TRIP13: variants seen among roughly 807,000 people sequenced by gnomAD.
TRIP13 encodes pachytene checkpoint protein 2 homolog.
In TRIP13, 25 loss-of-function variants were observed where a neutral mutation model predicts 54.4. That is an observed-to-expected ratio of 0.46 (90% confidence interval 0.33 to 0.64). The LOEUF is 0.64. Ranked by LOEUF, TRIP13 falls within the 30% of genes least tolerant of loss-of-function variation. TRIP13 has a pLI of 0.02. For synonymous variants in TRIP13, 207 were observed against 207.8 expected (o/e 1.00, Z 0.03); for missense variants, 373 against 534.2 (o/e 0.70, Z 2.97).
chr5:903,205 C>T (rs1754033558), intron 5 of TRIP13, among the ~76,000 whole-genome samples: 1 of 152,188 alleles, frequency 6.6e-6, no homozygotes, highest in African/African-American at 2.4e-5. Context: ...CTGACGCTAC[C>T]ATTAGACCAC....
chr5:914,720 CGTGTGT>C (rs60208703), intron 11 of TRIP13, 143 bp downstream of exon 11: 38 of 596,926 alleles, frequency 6.4e-5, no homozygotes, highest in Admixed American at 1.1e-4. Context: ...CATGTACACA[CGTGTGT>C]GTGTGTGTGT....
chr5:905,635 C>T (rs1754099861), intron 6 of TRIP13, among the ~76,000 whole-genome samples: 2 of 152,192 alleles, frequency 1.3e-5, no homozygotes, highest in South Asian at 2.1e-4. Flanking sequence ...TCAGGAGTCC[C>T]AGCCCTCACT....
intron 5 of TRIP13, 47 bp from the exon 6 acceptor site, chr5:904,101 G>T (rs532362341): frequency 6.4e-7 from 1 of 1,550,890 alleles, no homozygotes; most frequent in Non-Finnish European, 8.8e-7. Context: ...TAAGAAATTT[G>T]TTGTAGCACT....
chr5:895,582 C>G (rs1753896728), intron 2 of TRIP13, among the ~76,000 whole-genome samples: 1 of 152,188 alleles, frequency 6.6e-6, no homozygotes, highest in South Asian at 2.1e-4. Context: ...GTGGACCTCC[C>G]CATTCATACG....
At chr5:900,660 C>G in intron 4 of TRIP13, 111 bp downstream of exon 4, 1 of 1,132,076 alleles carries the variant, frequency 8.8e-7, no homozygotes, top group Non-Finnish European at 1.3e-6. Context: ...TTTGGGAGCC[C>G]CTGTCTGCTG....
At chr5:916,046 T>A in intron 12 of TRIP13, 73 bp downstream of exon 12, 1 of 1,456,026 alleles carries the variant, frequency 6.9e-7, no homozygotes, top group Non-Finnish European at 9.6e-7. Context: ...TTCCGCTTAG[T>A]AGCCCTGGGG....
chr5:892,920 A>G lies in TRIP13; in HGVS notation c.-79A>G. The G allele has an allele frequency of 7.5e-7, 1 of 1,326,032 alleles. No individual in the cohort carries two copies. The highest frequency in any genetic ancestry group is 3.0e-5 in the East Asian group (1 of 33,446). The allele number at this position is 1,326,032 out of a possible 1,614,324, so 82.1% of individuals were successfully genotyped here. ...TAGGGCGGGGCCCGCGGGCTGAGGC[A>G]GCGGCTGTGGCGGCGACGCTGGGCG... On this transcript the variant is annotated 5_prime_UTR_variant, in exon 1 of 13. Coordinates refer to ENST00000166345, the MANE Select transcript of TRIP13 (RefSeq NM_004237.4).
chr5:901,222 G>A (rs1215037601), intron 4 of TRIP13, 119 bp from the exon 5 acceptor site: 20 of 755,892 alleles, frequency 2.6e-5, no homozygotes, highest in Admixed American at 1.2e-4. Context: ...CTTAGGAGGC[G>A]GCCTCGCTCC....
intron 2 of TRIP13, 26 bp downstream of exon 2, chr5:894,978 G>T: frequency 6.3e-7 from 1 of 1,574,868 alleles, no homozygotes; most frequent in Non-Finnish European, 8.6e-7. Flanking sequence ...GCTGGGCCAA[G>T]GAACAGTTAG....
intron 1 of TRIP13, 95 bp downstream of exon 1, chr5:893,185 G>A: frequency 8.4e-7 from 1 of 1,192,020 alleles, no homozygotes; most frequent in East Asian, 3.2e-5. Context: ...TGATTCTGAT[G>A]CGACCGAACC....
At chr5:894,247 G>C (rs1753829087) in intron 1 of TRIP13, among the ~76,000 whole-genome samples, 1 of 152,156 alleles carries the variant, frequency 6.6e-6, no homozygotes, top group Admixed American at 6.5e-5. Flanking sequence ...TGCATAGCAG[G>C]GCACAGAGGT....
At chr5:903,252 C>G (rs1396195902) in intron 5 of TRIP13, among the ~76,000 whole-genome samples, 1 of 152,088 alleles carries the variant, frequency 6.6e-6, no homozygotes, top group African/African-American at 2.4e-5. Context: ...CAGACGCTGG[C>G]ATTACTGCTA....
chr5:919,041 A>G (rs2150694441), downstream of TRIP13: 1 of 152,384 alleles, frequency 6.6e-6, no homozygotes, highest in East Asian at 1.9e-4. Flanking sequence ...TCTAGAAGAC[A>G]AAAGGTACAA....
chr5:907,801 G>A lies in TRIP13; in HGVS notation c.673-187G>A, dbSNP rs1261196866. 6.6e-6 allele frequency among the ~76,000 whole-genome samples: 1 copy of A among 152,244 alleles called. No individual in the cohort carries two copies. Among genetic ancestry groups the A allele is most frequent in the Non-Finnish European group, 1.5e-5 (1 of 68,052 alleles). ...GCACCCTGGCATTCAAAGCAGAGGGGAAGAGTGTTAGGCTGACCTCCTCCC... is the reference window on the plus strand; with the variant it reads ...GCACCCTGGCATTCAAAGCAGAGGGAAAGAGTGTTAGGCTGACCTCCTCCC... On this transcript the variant is annotated intron_variant, in intron 7 of 12. Coordinates refer to ENST00000166345, the MANE Select transcript of TRIP13 (RefSeq NM_004237.4). This position sits in a 1 kb window ranked among gnomAD's most constrained non-coding sequence, Gnocchi z 4.1.
In TRIP13 at chr5:911,729, C is replaced by T. The variant is rs1754236623; in HGVS notation, c.867-114C>T. On this transcript the variant is annotated intron_variant, in intron 9 of 12. Coordinates refer to ENST00000166345, the MANE Select transcript of TRIP13 (RefSeq NM_004237.4). This position sits in a 1 kb window ranked among gnomAD's most constrained non-coding sequence, Gnocchi z 4.7. ...TGTTGGCACAAGGCCACTTTCCTTCCTGTTGGCAGCCTGCTGGCCATCGTC... is the reference window on the plus strand; with the variant it reads ...TGTTGGCACAAGGCCACTTTCCTTCTTGTTGGCAGCCTGCTGGCCATCGTC... The T allele has an allele frequency of 1.5e-6, 2 of 1,376,252 alleles. No individual in the cohort carries two copies. The highest frequency in any genetic ancestry group is 1.9e-6 in the Non-Finnish European group (2 of 1,031,814). 85.3% of individuals were successfully genotyped at this position (1,376,252 alleles called of 1,614,324 possible).
At chr5:904,009 G>A (rs1305156962) in intron 5 of TRIP13, 139 bp from the exon 6 acceptor site, 3 of 688,618 alleles carry the variant, frequency 4.4e-6, no homozygotes, top group Non-Finnish European at 6.9e-6. Context: ...AAGTTTCTAA[G>A]CAGACTTCAT....
At chr5:902,910 C>T (rs111491533) in intron 5 of TRIP13, among the ~76,000 whole-genome samples, 4,235 of 152,298 alleles carry the variant, frequency 0.028, 188 homozygotes, top group African/African-American at 0.093. Context: ...AGACGGCTTA[C>T]ACCATTATTT....
chr5:904,726 A>G (rs147019679), intron 6 of TRIP13, among the ~76,000 whole-genome samples: 100 of 151,164 alleles, frequency 6.6e-4, no homozygotes, highest in African/African-American at 2.3e-3. Context: ...GAAAGTTTCT[A>G]TTGCCGTATT....
At chr5:914,064 G>GAAGTCCTGGCTCT (rs1212466452) in intron 10 of TRIP13, among the ~76,000 whole-genome samples, 1 of 152,122 alleles carries the variant, frequency 6.6e-6, no homozygotes. Context: ...GAAGTCAGTG[G>GAAGTCCTGGCTCT]AAGTCCTGGC....
Sources: gnomAD v4.1 joint callset for allele counts (sites outside exome capture counted in the v4.1 genomes callset) on GRCh38, gnomAD v4.1.1 for gene constraint, Gnocchi (gnomAD v3.1) non-coding constraint, MANE v1.5 for transcripts, NCBI Gene and HGNC (gene_info 2026-07-23, HGNC 2026-07-21) for gene names.